PPFIA3: variants seen among roughly 807,000 people sequenced by gnomAD.
PPFIA3 encodes the protein PPFI scaffold protein A3.
PPFIA3 carries 26 observed loss-of-function variants against 145.8 expected under a neutral mutation model. The observed-to-expected ratio is 0.18, with a 90% CI of 0.13 to 0.25. PPFIA3 has a LOEUF of 0.25. Ranked by LOEUF, PPFIA3 falls within the 10% of genes least tolerant of loss-of-function variation. The probability of loss-of-function intolerance (pLI) is 1.00; values close to 1 mark genes in which losing one functional copy is unlikely to be tolerated. For missense variants in PPFIA3, 1,008 were observed against 1,587.8 expected (o/e 0.63, Z 6.21); for synonymous variants, 645 against 661.4 (o/e 0.98, Z 0.38).
Position 49,150,278 on chromosome 19 carries a change from T to C in PPFIA3, c.*56T>C, listed in dbSNP as rs988880795. The C allele has an allele frequency of 5.9e-5, 53 of 897,932 alleles. 1 individual carries two copies. In the African/African-American group the frequency reaches 8.2e-4, roughly 14 times the overall value. The allele number at this position is 897,932 out of a possible 1,614,324, so 55.6% of individuals were successfully genotyped here. On this transcript the variant is annotated 3_prime_UTR_variant, in exon 30 of 30. Coordinates refer to ENST00000334186, the MANE Select transcript of PPFIA3 (RefSeq NM_003660.4). ...GAAGAATCTTCCCGAGGCTGGGCTG[T>C]TCCCTCTCCTGCCCGGACTGTGGCC...
At chr19:49,138,150 C>T (rs2041163872) in intron 15 of PPFIA3, 55 bp from the exon 16 acceptor site, 1 of 1,487,142 alleles carries the variant, frequency 6.7e-7, no homozygotes, top group Admixed American at 2.2e-5. Flanking sequence ...CCCAGATTCC[C>T]TCTCCCGCTG....
intron 16 of PPFIA3, 23 bp downstream of exon 16, chr19:49,138,450 A>C: frequency 6.7e-7 from 1 of 1,485,152 alleles, no homozygotes; most frequent in Non-Finnish European, 9.0e-7. Flanking sequence ...AAGTCTCCCC[A>C]GCCTAGTAGG....
In PPFIA3 at chr19:49,133,768, G is replaced by C. The variant is rs1406639060; in HGVS notation, c.1162-28G>C. Reference sequence around the variant, plus strand: ...AGCCTGACTGATCCTGGAAGGGTAAGTCACACGCCATGGGTTCCATCTCCT... The same window carrying C: ...AGCCTGACTGATCCTGGAAGGGTAACTCACACGCCATGGGTTCCATCTCCT... On this transcript the variant is annotated intron_variant, in intron 9 of 29. Transcript: ENST00000334186. The surrounding 1 kb of genome is among the most constrained non-coding windows in gnomAD (Gnocchi z 7.2). The C allele has an allele frequency of 1.2e-6, 2 of 1,610,492 alleles. No homozygotes were observed. The highest frequency in any genetic ancestry group is 1.7e-5 in the Admixed American group (1 of 59,818).
In PPFIA3 at chr19:49,134,288, G is replaced by A. The variant is rs566924803; in HGVS notation, c.1377+123G>A. ...AGGCCTCCCTAAACCCCGGCATCCT[G>A]AGTTGGGCAGCCTTCTCTGCTCTAT... On this transcript the variant is annotated intron_variant, in intron 11 of 29. Transcript: ENST00000334186. The A allele has an allele frequency of 1.3e-4, 171 of 1,326,414 alleles. No homozygotes were observed. In the African/African-American group the frequency reaches 1.5e-3, roughly 12 times the overall value. 82.2% of individuals were successfully genotyped at this position (1,326,414 alleles called of 1,614,324 possible). A position where few individuals can be genotyped will look rare whatever the true frequency, so the allele number is the denominator to read the frequency against.
At chr19:49,143,482 C>CCT in intron 21 of PPFIA3, among the ~76,000 whole-genome samples, 1 of 152,062 alleles carries the variant, frequency 6.6e-6, no homozygotes, top group African/African-American at 2.4e-5. Context: ...AAGCCATTCT[C>CCT]CTGTCTCAGC....
At chr19:49,148,554 T>C in intron 24 of PPFIA3, 112 bp from the exon 25 acceptor site, 1 of 888,286 alleles carries the variant, frequency 1.1e-6, no homozygotes, top group Non-Finnish European at 1.8e-6. Context: ...ATAGAACTTA[T>C]CAGCTCCCCA....
chr19:49,131,473 C>T (rs149062705), intron 7 of PPFIA3, among the ~76,000 whole-genome samples: 95 of 151,726 alleles, frequency 6.3e-4, no homozygotes, highest in African/African-American at 1.2e-3. Flanking sequence ...TGAGCCACTG[C>T]GTCCAGCCTC....
At chr19:49,126,965 C>G (rs778955945) in intron 1 of PPFIA3, among the ~76,000 whole-genome samples, 2 of 151,440 alleles carry the variant, frequency 1.3e-5, no homozygotes, top group Non-Finnish European at 2.9e-5. Flanking sequence ...CCCAAATCCT[C>G]TCACCCAGGT....
chr19:49,133,201 C>T lies in PPFIA3; in HGVS notation c.1027-36C>T. The T allele has an allele frequency of 6.3e-7, 1 of 1,586,296 alleles. No individual in the cohort carries two copies. The highest frequency in any genetic ancestry group is 1.3e-5 in the African/African-American group (1 of 74,126). On this transcript the variant is annotated intron_variant, in intron 8 of 29. Coordinates refer to ENST00000334186, the MANE Select transcript of PPFIA3 (RefSeq NM_003660.4). This position sits in a 1 kb window ranked among gnomAD's most constrained non-coding sequence, Gnocchi z 7.2. ...GGGCGGTGCCGGGGCCCAAGTGACC[C>T]AGCCCGTCCCCTCCCCCTGCCTCTC... is the stretch of plus-strand genomic sequence containing the variant.
At chr19:49,126,062 T>G (rs551476209) in intron 1 of PPFIA3, among the ~76,000 whole-genome samples, 6 of 152,218 alleles carry the variant, frequency 3.9e-5, no homozygotes, top group African/African-American at 1.4e-4. Flanking sequence ...GCGATTCTCC[T>G]GCCTCAGCCT....
intron 19 of PPFIA3, 44 bp downstream of exon 19, chr19:49,141,557 T>G: frequency 1.3e-6 from 2 of 1,501,254 alleles, no homozygotes; most frequent in Non-Finnish European, 1.8e-6. Flanking sequence ...TATGTGAATG[T>G]GAGAGTGTGT....
At position 49,138,355 on chromosome 19, in the gene PPFIA3, C is replaced by T. The variant is rs979082773; in HGVS notation, c.2004C>T (p.Ser668=). ...SLTTSTLASP[S]PPSSGHSTPR... ...CCACCTCTACCCTTGCCAGCCCCTC[C>T]CCTCCCAGCTCTGGCCACTCAACAC... The change falls in exon 16 of 30, where the codon TCC becomes TCT. Residue 668 remains serine (S), a synonymous_variant. Transcript: ENST00000334186. 6.2e-6 allele frequency: 10 copies of T among 1,608,676 alleles called. No individual in the cohort carries two copies. Among genetic ancestry groups the T allele is most frequent in the Non-Finnish European group, 8.5e-6 (10 of 1,177,636 alleles).
chr19:49,141,544 GTGTA>G (rs780010651), intron 19 of PPFIA3, 31 bp downstream of exon 19: 1 of 1,570,676 alleles, frequency 6.4e-7, no homozygotes, highest in East Asian at 2.2e-5. Flanking sequence ...GCGTGTGTGT[GTGTA>G]TGTGAATGTG....
rs2041220730 is a variant in PPFIA3 at position 49,141,510 on chromosome 19, G to A, written c.2459G>A (p.Arg820Lys). 6.2e-7 allele frequency: 1 copy of A among 1,613,042 alleles called. No homozygotes were observed. The highest frequency in any genetic ancestry group is 1.3e-5 in the African/African-American group (1 of 74,864). The change falls in exon 19 of 30, where the codon AGG (arginine) becomes AAG (lysine). Residue 820 changes from arginine (R) to lysine (K), a missense_variant. This residue lies in a region of PPFIA3 where 154 missense variants were observed against 369.2 expected (regional missense o/e 0.42). Transcript: ENST00000334186. ...GGAGACAAGGACCGAAGGAACAAGA[G>A]GAAGTGAGTGTGTGTGAGTGTGAGC... is the stretch of plus-strand genomic sequence containing the variant. Reference protein sequence around the residue: ...GPGDKDRRNKRKHELLEEACR... With the variant: ...GPGDKDRRNKKKHELLEEACR...
At chr19:49,145,590 C>T (rs1472365423) in intron 21 of PPFIA3, 2 of 301,238 alleles carry the variant, frequency 6.6e-6, no homozygotes. Context: ...GTGAACCCCC[C>T]CCGCCATACT....
chr19:49,135,358 C>T (rs2041125791), intron 13 of PPFIA3, among the ~76,000 whole-genome samples: 1 of 149,986 alleles, frequency 6.7e-6, no homozygotes, highest in South Asian at 2.1e-4. Flanking sequence ...GGTTTTTTAC[C>T]CTGACTTTAT....
At chr19:49,146,648 G>T (rs963154011) in intron 23 of PPFIA3, among the ~76,000 whole-genome samples, 1 of 152,172 alleles carries the variant, frequency 6.6e-6, no homozygotes, top group African/African-American at 2.4e-5. Context: ...AACAAGAGGC[G>T]GCCGGGCGCA....
intron 4 of PPFIA3, 34 bp downstream of exon 4, chr19:49,129,046 G>A: frequency 6.5e-7 from 1 of 1,549,312 alleles, no homozygotes; most frequent in Non-Finnish European, 8.7e-7. Context: ...GTGGAGAATG[G>A]AAACCTATAG....
At chr19:49,132,203 C>T (rs538679656) in intron 7 of PPFIA3, among the ~76,000 whole-genome samples, 24 of 151,542 alleles carry the variant, frequency 1.6e-4, no homozygotes, top group Non-Finnish European at 3.1e-4. Context: ...GCCTGGCCAA[C>T]ATCGTGAAAC....
Sources: allele counts gnomAD v4.1 joint callset (sites outside exome capture counted in the v4.1 genomes callset), GRCh38; gene constraint gnomAD v4.1.1; regional missense constraint gnomAD v4.1.1; non-coding constraint Gnocchi (gnomAD v3.1); transcripts MANE v1.5; gene names NCBI Gene and HGNC (gene_info 2026-07-23, HGNC 2026-07-21).